TEX15: variants seen among roughly 807,000 people sequenced by gnomAD.
TEX15 encodes testis expressed 15, meiosis and synapsis associated, also known as testis-expressed protein 15.
Under a neutral mutation model 237.3 loss-of-function variants are expected in TEX15, and 171 were observed. The ratio of observed to expected loss-of-function variants is 0.72; its 90% CI spans 0.64 to 0.82. The LOEUF is 0.82. Among genes scored for constraint, TEX15 ranks in the 40% least tolerant of loss-of-function variants. The probability of loss-of-function intolerance (pLI) is 0.00; values close to 1 mark genes in which losing one functional copy is unlikely to be tolerated. For synonymous variants in TEX15, 1,338 were observed against 1,269.8 expected, an observed-to-expected ratio of 1.05 and a Z score of -1.14; for missense variants, 3,750 against 3,646.5, an observed-to-expected ratio of 1.03 and a Z score of -0.73.
At chr8:30,893,105 CCAGA>C (rs1021002749) in intron 2 of TEX15, among the ~76,000 whole-genome samples, 3 of 151,704 alleles carry the variant, frequency 2.0e-5, no homozygotes, top group African/African-American at 7.3e-5. Context: ...TTACCAGGTA[CCAGA>C]CACTTTTCTA....
intron 3 of TEX15, 166 bp downstream of exon 3, chr8:30,887,001 A>C (rs1208074852): frequency 9.5e-6 from 5 of 528,174 alleles, no homozygotes; most frequent in African/African-American, 2.0e-5. Flanking sequence ...CAGAACGTGC[A>C]TCTATTCTAT....
At position 30,846,564 on chromosome 8, in the gene TEX15, T is replaced by C. The variant is rs777273240; in HGVS notation, c.3603A>G (p.Leu1201=). 1 of 1,613,794 alleles carries C rather than the reference T, an allele frequency of 6.2e-7. No homozygotes were observed. The highest frequency in any genetic ancestry group is 8.5e-7 in the Non-Finnish European group (1 of 1,179,760). Residue 1201 remains leucine (L), a synonymous_variant, in exon 8 of 11, where the codon CTA becomes CTG. Coordinates refer to ENST00000643185, the MANE Select transcript of TEX15 (RefSeq NM_001350162.2). ...PEINKEDGEI[L]GFDIYSQPFG... is the part of the protein sequence containing the mutation. ...AAGGCTGGGAATAAATGTCAAATCC[T>C]AGAATTTCTCCATCTTCCTTATTTA...
chr8:30,868,948 A>T (rs1050367300), intron 4 of TEX15, among the ~76,000 whole-genome samples: 1 of 151,600 alleles, frequency 6.6e-6, no homozygotes, highest in African/African-American at 2.4e-5. Flanking sequence ...AACAAATATA[A>T]CAATAAAAAT....
chr8:30,854,872 A>G (rs906090523), intron 7 of TEX15, among the ~76,000 whole-genome samples: 3 of 152,194 alleles, frequency 2.0e-5, no homozygotes, highest in Non-Finnish European at 4.4e-5. Flanking sequence ...AAAAACAACA[A>G]CAAAAAAAGT....
At chr8:30,884,592 T>C (rs984669700) in intron 3 of TEX15, among the ~76,000 whole-genome samples, 2 of 152,196 alleles carry the variant, frequency 1.3e-5, no homozygotes, top group Non-Finnish European at 2.9e-5. Flanking sequence ...AATTGGTACA[T>C]TTCATCTAGG....
intron 2 of TEX15, among the ~76,000 whole-genome samples, chr8:30,889,954 C>CATATATATATATATACATAT: frequency 2.7e-5 from 3 of 110,086 alleles, no homozygotes; most frequent in East Asian, 2.2e-4. Context: ...TATATATATA[C>CATATATATATATATACATAT]ATATATATAT....
At chr8:30,881,184 C>A (rs575839914) in intron 3 of TEX15, among the ~76,000 whole-genome samples, 29 of 152,230 alleles carry the variant, frequency 1.9e-4, no homozygotes, top group African/African-American at 7.0e-4. Flanking sequence ...TCAATTATCA[C>A]GGACAATGGT....
chr8:30,904,648 C>A (rs1034439424), intron 1 of TEX15, among the ~76,000 whole-genome samples: 1 of 152,018 alleles, frequency 6.6e-6, no homozygotes, highest in African/African-American at 2.4e-5. Context: ...GGTTAAAAAC[C>A]ACAAGTATTC....
Position 30,845,834 on chromosome 8 carries a change from G to A in TEX15, c.4333C>T (p.His1445Tyr), listed in dbSNP as rs1807590015. The change falls in exon 8 of 11, where the codon CAT (histidine) becomes TAT (tyrosine). Residue 1445 changes from histidine to tyrosine, a missense_variant. His to Tyr is a moderately conservative substitution (Grantham distance 83). Transcript: ENST00000643185. ...TCATATTTTCTTTTTGACGAAAAAT[G>A]CTTAGTAGAATAATATTTTCTTTGA... is the stretch of plus-strand genomic sequence containing the variant. ...VSQRKYYSTKHFSSKRKYDKR... is the reference protein window; with the variant it reads ...VSQRKYYSTKYFSSKRKYDKR... 3 of 1,609,238 alleles carry A rather than the reference G, an allele frequency of 1.9e-6. No homozygotes were observed. The highest frequency in any genetic ancestry group is 2.5e-6 in the Non-Finnish European group (3 of 1,178,786).
Position 30,833,166 on chromosome 8 carries a change from T to C in TEX15, c.*120A>G, listed in dbSNP as rs1266719862. ...TTTGTATATTTTACAAAGGACCATA[T>C]GATTTATATTTCCTACCACATTTAC... On this transcript the variant is annotated 3_prime_UTR_variant, in exon 11 of 11. Coordinates refer to ENST00000643185, the MANE Select transcript of TEX15 (RefSeq NM_001350162.2). 1 of 667,908 alleles carries C rather than the reference T, an allele frequency of 1.5e-6. No individual in the cohort carries two copies. The highest frequency in any genetic ancestry group is 2.8e-5 in the East Asian group (1 of 35,458). The allele number at this position is 667,908 out of a possible 1,614,324, so 41.4% of individuals were successfully genotyped here. A position where few individuals can be genotyped will look rare whatever the true frequency, so the allele number is the denominator to read the frequency against.
At position 30,867,347 on chromosome 8, in the gene TEX15, A is replaced by G; in HGVS notation, c.458T>C (p.Ile153Thr). The G allele has an allele frequency of 6.5e-7, 1 of 1,528,588 alleles. No homozygotes were observed. Among genetic ancestry groups the G allele is most frequent in the Admixed American group, 2.0e-5 (1 of 50,948 alleles). 94.7% of individuals were successfully genotyped at this position (1,528,588 alleles called of 1,614,324 possible). A position where few individuals can be genotyped will look rare whatever the true frequency, so the allele number is the denominator to read the frequency against. ...AATATCAACATGTCTAAACATATAA[A>G]TTCCAAGAAGAGGATTTCCTAGTAT... The part of the protein sequence containing the change: ...LKILGNPLLG[I>T]YMFRHVDIAL... Residue 153 changes from isoleucine (I) to threonine (T), a missense_variant, in exon 5 of 11, where the codon ATT becomes ACT. Transcript: ENST00000643185.
intron 3 of TEX15, among the ~76,000 whole-genome samples, chr8:30,882,535 C>T (rs1299085690): frequency 6.6e-6 from 1 of 152,182 alleles, no homozygotes; most frequent in African/African-American, 2.4e-5. Flanking sequence ...ATCTGCCCAC[C>T]TCAGCCTCCC....
intron 7 of TEX15, among the ~76,000 whole-genome samples, chr8:30,856,819 G>T (rs1271523420): frequency 6.6e-6 from 1 of 151,866 alleles, no homozygotes; most frequent in African/African-American, 2.4e-5. Flanking sequence ...AATGTTAATA[G>T]ATTAGAAAAC....
intron 5 of TEX15, among the ~76,000 whole-genome samples, chr8:30,864,204 A>G (rs780172480): frequency 6.6e-6 from 1 of 151,914 alleles, no homozygotes; most frequent in Non-Finnish European, 1.5e-5. Flanking sequence ...GGCAGATATG[A>G]GCAGGCAAAG....
At chr8:30,835,327 G>C (rs1807268026) in intron 10 of TEX15, among the ~76,000 whole-genome samples, 1 of 152,004 alleles carries the variant, frequency 6.6e-6, no homozygotes, top group East Asian at 1.9e-4. Flanking sequence ...CAAGTGAGCT[G>C]CCCACCTCCA....
rs970926232 is a variant in TEX15 at position 30,907,517 on chromosome 8, A to T, written c.-86+5362T>A. The stretch of plus-strand genomic sequence containing the variant: ...AATGTATATATAAATTATATACAAA[A>T]TGTATATACAAATTATATATAAAAT... On this transcript the variant is annotated intron_variant, in intron 1 of 10. Coordinates refer to ENST00000643185, the MANE Select transcript of TEX15 (RefSeq NM_001350162.2). Among the ~76,000 whole-genome samples the T allele has an allele frequency of 2.0e-5, 3 of 146,420 alleles. No homozygotes were observed. The Admixed American group carries it at 2.1e-4, about 10-fold the overall frequency.
intron 2 of TEX15, chr8:30,888,528 G>A (rs373156533): frequency 9.6e-6 from 9 of 938,248 alleles, no homozygotes; most frequent in African/African-American, 5.1e-5. Flanking sequence ...TCCATCCCCT[G>A]CCAAATATTG....
At chr8:30,861,918 A>T (rs980295354) in intron 5 of TEX15, among the ~76,000 whole-genome samples, 2 of 152,148 alleles carry the variant, frequency 1.3e-5, no homozygotes, top group African/African-American at 4.8e-5. Context: ...TATTCAACAG[A>T]AACTTTAAAC....
chr8:30,891,245 G>C (rs899348667), intron 2 of TEX15, among the ~76,000 whole-genome samples: 2 of 152,136 alleles, frequency 1.3e-5, no homozygotes, highest in Non-Finnish European at 2.9e-5. Flanking sequence ...ACTGCACACT[G>C]ATTTTTGATC....
Sources: gnomAD v4.1 joint callset for allele counts (sites outside exome capture counted in the v4.1 genomes callset) on GRCh38, gnomAD v4.1.1 for gene constraint, MANE v1.5 for transcripts, NCBI Gene and HGNC (gene_info 2026-07-23, HGNC 2026-07-21) for gene names.